PPP5C: variants seen among roughly 807,000 people sequenced by gnomAD.
PPP5C encodes the protein protein phosphatase 5 catalytic subunit, also known as serine/threonine-protein phosphatase 5.
Under a neutral mutation model 66.7 loss-of-function variants are expected in PPP5C, and 21 were observed. That is an observed-to-expected ratio of 0.31 (90% CI 0.22 to 0.45). The LOEUF is 0.45. PPP5C is among the 20% of genes least tolerant of loss of function. The pLI, the probability that PPP5C is intolerant of heterozygous loss-of-function variation, is 1.00. For missense variants in PPP5C, 464 were observed against 675.9 expected, an observed-to-expected ratio of 0.69 and a Z score of 3.48; for synonymous variants, 246 against 257.4, an observed-to-expected ratio of 0.96 and a Z score of 0.43.
At chr19:46,386,889 G>A (rs1002513752) in intron 7 of PPP5C, 7 of 682,918 alleles carry the variant, frequency 1.0e-5, no homozygotes, top group Middle Eastern at 4.1e-4. Flanking sequence ...AATTATAGGC[G>A]TGAGCCATGG....
chr19:46,360,604 G>T (rs1454040711), intron 2 of PPP5C, among the ~76,000 whole-genome samples: 1 of 151,534 alleles, frequency 6.6e-6, no homozygotes, highest in Admixed American at 6.6e-5. Flanking sequence ...GGGCTCAATT[G>T]ATTCTTGTGC....
chr19:46,385,344 G>A (rs1972863805), intron 7 of PPP5C, among the ~76,000 whole-genome samples: 1 of 152,180 alleles, frequency 6.6e-6, no homozygotes, highest in African/African-American at 2.4e-5. Context: ...GGGTTCTCTT[G>A]ATTGAAGTAG....
chr19:46,354,200 G>A lies in PPP5C; in HGVS notation c.363+211G>A, dbSNP rs116786845. Among the ~76,000 whole-genome samples the A allele has an allele frequency of 2.1e-3, 314 of 152,350 alleles. 2 individuals are homozygous for A. Among genetic ancestry groups the A allele is most frequent in the African/African-American group, 7.1e-3 (296 of 41,580 alleles). On this transcript the variant is annotated intron_variant, in intron 2 of 12. Transcript: ENST00000012443. ...TTTGTGACCCTGAGCCAGTTACCCCGCCTCGCCACACCTTCCTTTCCATAT... is the reference window on the plus strand; with the variant it reads ...TTTGTGACCCTGAGCCAGTTACCCCACCTCGCCACACCTTCCTTTCCATAT...
In PPP5C at chr19:46,383,370, G is replaced by A. The variant is rs372010069; in HGVS notation, c.634-41G>A. ...GCTTTCGGGGCCAGGTTGGGCAGCA[G>A]CCCCTGCAGCCGGTCCCACTGAGTC... is the stretch of plus-strand genomic sequence containing the variant. On this transcript the variant is annotated intron_variant, in intron 4 of 12. Transcript: ENST00000012443. This position sits in a 1 kb window ranked among gnomAD's most constrained non-coding sequence, Gnocchi z 5.0. 1 of 1,596,244 alleles carries A rather than the reference G, an allele frequency of 6.3e-7. No individual in the cohort carries two copies. Among genetic ancestry groups the A allele is most frequent in the South Asian group, 1.1e-5 (1 of 87,896 alleles).
intron 2 of PPP5C, among the ~76,000 whole-genome samples, chr19:46,374,918 C>T (rs372963059): frequency 4.6e-5 from 7 of 152,168 alleles, no homozygotes; most frequent in Non-Finnish European, 5.9e-5. Flanking sequence ...GATTTGAACC[C>T]GGTCTCAGGG....
intron 1 of PPP5C, among the ~76,000 whole-genome samples, chr19:46,349,728 T>G (rs1245299722): frequency 6.6e-6 from 1 of 151,612 alleles, no homozygotes; most frequent in East Asian, 1.9e-4. Flanking sequence ...GAGTCTAGAT[T>G]AGTGGACAGG....
At chr19:46,353,399 T>C (rs1972225503) in intron 1 of PPP5C, among the ~76,000 whole-genome samples, 1 of 152,094 alleles carries the variant, frequency 6.6e-6, no homozygotes, top group Admixed American at 6.6e-5. Context: ...TCCACCCAGC[T>C]GCCTCAGCTC....
Position 46,376,706 on chromosome 19 carries a change from C to A in PPP5C, c.633+132C>A. 1 of 1,296,436 alleles carries A rather than the reference C, an allele frequency of 7.7e-7. No homozygotes were observed. The highest frequency in any genetic ancestry group is 1.1e-6 in the Non-Finnish European group (1 of 943,258). The allele number at this position is 1,296,436 out of a possible 1,614,324, so 80.3% of individuals were successfully genotyped here. On this transcript the variant is annotated intron_variant, in intron 4 of 12. Transcript: ENST00000012443. The surrounding 1 kb of genome is among the most constrained non-coding windows in gnomAD (Gnocchi z 5.1). ...GCCAACACCAAACAGGAGTCGTGTG[C>A]CGGACACTGTGCCGAGGGCTTACCA... is the stretch of plus-strand genomic sequence containing the variant.
chr19:46,384,591 A>T, intron 6 of PPP5C: 1 of 513,976 alleles, frequency 1.9e-6, no homozygotes, highest in Non-Finnish European at 3.6e-6. Flanking sequence ...ACTGAGGCTC[A>T]GCGGCCAAGC....
At position 46,383,115 on chromosome 19, in the gene PPP5C, G is replaced by A. The variant is rs945175419; in HGVS notation, c.634-296G>A. 16 of 1,288,728 alleles carry A rather than the reference G, an allele frequency of 1.2e-5. No homozygotes were observed. The highest frequency in any genetic ancestry group is 2.1e-4 in the Middle Eastern group (1 of 4,760). The allele number at this position is 1,288,728 out of a possible 1,614,324, so 79.8% of individuals were successfully genotyped here. On this transcript the variant is annotated intron_variant, in intron 4 of 12. Coordinates refer to ENST00000012443, the MANE Select transcript of PPP5C (RefSeq NM_006247.4). The surrounding 1 kb of genome is among the most constrained non-coding windows in gnomAD (Gnocchi z 5.0). ...CCAGTTCTTTTATAAAATGTTCTAC[G>A]ATCTGGATTCATGCATGTATTTCCA...
At chr19:46,384,761 ACCCT>A in intron 6 of PPP5C, 39 bp from the exon 7 acceptor site, 14 of 1,088,588 alleles carry the variant, frequency 1.3e-5, no homozygotes, top group Non-Finnish European at 1.8e-5. Flanking sequence ...ACCGCACCGC[ACCCT>A]TCCCCTCCAC....
chr19:46,358,477 G>C (rs1972325133), intron 2 of PPP5C, among the ~76,000 whole-genome samples: 1 of 152,176 alleles, frequency 6.6e-6, no homozygotes, highest in Non-Finnish European at 1.5e-5. Flanking sequence ...CTTTCAAAGT[G>C]TTAATGTAAT....
intron 2 of PPP5C, among the ~76,000 whole-genome samples, chr19:46,355,549 A>T (rs1972270565): frequency 7.1e-6 from 1 of 140,276 alleles, no homozygotes; most frequent in African/African-American, 2.7e-5. Flanking sequence ...ATGGGGGCAG[A>T]GATGTGGCGG....
Position 46,376,466 on chromosome 19 carries a change from G to A in PPP5C, c.525G>A (p.Glu175=), listed in dbSNP as rs956684527. The change falls in exon 4 of 13, where the codon GAG becomes GAA. Residue 175 remains glutamate, a synonymous_variant. Transcript: ENST00000012443. This position sits in a 1 kb window ranked among gnomAD's most constrained non-coding sequence, Gnocchi z 5.1. ...TTCACACCCTAGCCATTGAGGATGAGTACAGCGGACCCAAGCTTGAAGACG... is the reference window on the plus strand; with the variant it reads ...TTCACACCCTAGCCATTGAGGATGAATACAGCGGACCCAAGCTTGAAGACG... ...LDIESMTIED[E]YSGPKLEDGK... 34 of 1,613,590 alleles carry A rather than the reference G, an allele frequency of 2.1e-5. No homozygotes were observed. The highest frequency in any genetic ancestry group is 2.8e-5 in the Non-Finnish European group (33 of 1,179,780).
At chr19:46,380,275 G>C (rs943909148) in intron 4 of PPP5C, among the ~76,000 whole-genome samples, 1 of 151,818 alleles carries the variant, frequency 6.6e-6, no homozygotes, top group African/African-American at 2.4e-5. Context: ...AGCCAAGGTC[G>C]TGCCACTGCA....
rs913547970 is a variant in PPP5C at position 46,372,212 on chromosome 19, G to T, written c.364-3392G>T. ...GGTTTTTTTGTATTGTTTTGTTTTG[G>T]TTTTTTTTTGAGACAGAATCTCACT... On this transcript the variant is annotated intron_variant, in intron 2 of 12. Coordinates refer to ENST00000012443, the MANE Select transcript of PPP5C (RefSeq NM_006247.4). Among the ~76,000 whole-genome samples the T allele has an allele frequency of 6.0e-5, 9 of 150,934 alleles. No homozygotes were observed. The East Asian group carries it at 7.8e-4, about 13-fold the overall frequency.
Position 46,388,755 on chromosome 19 carries a change from A to T in PPP5C, c.1355+24A>T. The T allele has an allele frequency of 6.2e-7, 1 of 1,605,176 alleles. No homozygotes were observed. The highest frequency in any genetic ancestry group is 8.5e-7 in the Non-Finnish European group (1 of 1,174,074). On this transcript the variant is annotated intron_variant, in intron 11 of 12. Coordinates refer to ENST00000012443, the MANE Select transcript of PPP5C (RefSeq NM_006247.4). This position sits in a 1 kb window ranked among gnomAD's most constrained non-coding sequence, Gnocchi z 4.9. The stretch of plus-strand genomic sequence containing the variant: ...TGGTATGTCTTTGCCTTTCCAGCCC[A>T]GGGCCTCTACCAAGCCACGGGTTTT...
At chr19:46,386,939 T>C (rs1248244026) in intron 7 of PPP5C, 154 bp from the exon 8 acceptor site, 3 of 1,033,848 alleles carry the variant, frequency 2.9e-6, no homozygotes, top group African/African-American at 1.6e-5. Flanking sequence ...GATTCCCCCC[T>C]TGGTACCTCC....
intron 1 of PPP5C, among the ~76,000 whole-genome samples, chr19:46,350,883 G>A (rs978908007): frequency 2.0e-5 from 3 of 152,144 alleles, no homozygotes; most frequent in Non-Finnish European, 2.9e-5. Context: ...GAGAAGAGGG[G>A]CCCCAGCAGG....
Sources: gnomAD v4.1 joint callset for allele counts (sites outside exome capture counted in the v4.1 genomes callset) on GRCh38, gnomAD v4.1.1 for gene constraint, Gnocchi (gnomAD v3.1) non-coding constraint, MANE v1.5 for transcripts, NCBI Gene and HGNC (gene_info 2026-07-23, HGNC 2026-07-21) for gene names.